The following LRFN5 variants were observed in gnomAD, a reference collection of about 807,000 sequenced individuals.
LRFN5 encodes the protein leucine rich repeat and fibronectin type III domain containing 5.
Under a neutral mutation model 45.6 loss-of-function variants are expected in LRFN5, and 24 were observed. The observed-to-expected ratio is 0.53, with a 90% CI of 0.38 to 0.74. The LOEUF (loss-of-function observed/expected upper bound fraction) is 0.74, where lower values mean the gene tolerates loss of function less well. LRFN5 is among the 30% of genes least tolerant of loss of function. The probability of loss-of-function intolerance (pLI) is 0.00; values close to 1 mark genes in which losing one functional copy is unlikely to be tolerated. For missense variants in LRFN5, 776 were observed against 861.5 expected, an observed-to-expected ratio of 0.90 and a Z score of 1.24; for synonymous variants, 340 against 313.8, an observed-to-expected ratio of 1.08 and a Z score of -0.88.
At position 41,877,831 on chromosome 14, in the gene LRFN5, C is replaced by A. The variant is rs188321745; in HGVS notation, c.-20-8775C>A. ...AAGTTTGGTAGATTCCTGCAATGCA[C>A]TTTGTGTATGTTGCAGTTGCTAAAC... On this transcript the variant is annotated intron_variant, in intron 2 of 5. Coordinates refer to ENST00000298119, the MANE Select transcript of LRFN5 (RefSeq NM_152447.5). Among the ~76,000 whole-genome samples, 265 of 152,196 alleles carry A rather than the reference C, an allele frequency of 1.7e-3. 2 individuals carry two copies. The highest frequency in any genetic ancestry group is 6.8e-3 in the Middle Eastern group (2 of 294).
At chr14:41,682,328 C>T (rs1345178380) in intron 1 of LRFN5, among the ~76,000 whole-genome samples, 1 of 151,738 alleles carries the variant, frequency 6.6e-6, no homozygotes, top group Non-Finnish European at 1.5e-5. Context: ...AAACAAACAA[C>T]AAAACATTAA....
At chr14:41,630,650 T>C (rs1594565192) in intron 1 of LRFN5, among the ~76,000 whole-genome samples, 2 of 152,142 alleles carry the variant, frequency 1.3e-5, no homozygotes, top group Non-Finnish European at 2.9e-5. Context: ...CTATATACTT[T>C]TGAGAGAACA....
At chr14:41,752,051 G>T (rs1885157019) in intron 1 of LRFN5, among the ~76,000 whole-genome samples, 1 of 152,212 alleles carries the variant, frequency 6.6e-6, no homozygotes, top group African/African-American at 2.4e-5. Context: ...TGCTGAAAAT[G>T]ATGGTTTCCA....
chr14:41,851,236 C>T (rs983037256), intron 2 of LRFN5, among the ~76,000 whole-genome samples: 3 of 151,530 alleles, frequency 2.0e-5, no homozygotes. Context: ...ATGTATATTA[C>T]ATAAAACAAT....
chr14:41,822,850 G>GTTTTTTTTTTTTTTTTTTTTTTTTTTT (rs1296770505), intron 2 of LRFN5, among the ~76,000 whole-genome samples: 1 of 70,428 alleles, frequency 1.4e-5, no homozygotes. Flanking sequence ...TATATTTAGG[G>GTTTTTTTTTTTTTTTTTTTTTTTTTTT]TTGTTTTTTT....
intron 2 of LRFN5, among the ~76,000 whole-genome samples, chr14:41,793,550 ACTGCC>A (rs1887010815): frequency 6.6e-5 from 10 of 152,150 alleles, no homozygotes; most frequent in Non-Finnish European, 1.5e-4. Flanking sequence ...CCATAAGACC[ACTGCC>A]TCCTGGTAGG....
intron 1 of LRFN5, among the ~76,000 whole-genome samples, chr14:41,635,292 CT>C: frequency 6.6e-6 from 1 of 152,152 alleles, no homozygotes; most frequent in East Asian, 1.9e-4. Context: ...CTTAAAATGT[CT>C]TAGTTTGAAT....
chr14:41,618,524 A>G (rs980078193), intron 1 of LRFN5, among the ~76,000 whole-genome samples: 49 of 152,228 alleles, frequency 3.2e-4, no homozygotes, highest in Non-Finnish European at 8.8e-5. Flanking sequence ...AGATGAGGCC[A>G]CCTGAGACCA....
intron 1 of LRFN5, among the ~76,000 whole-genome samples, chr14:41,695,683 C>G (rs546859806): frequency 6.6e-6 from 1 of 152,048 alleles, no homozygotes; most frequent in South Asian, 2.1e-4. Context: ...GCATGGTTTA[C>G]TGAATATTTT....
intron 2 of LRFN5, among the ~76,000 whole-genome samples, chr14:41,861,216 C>A (rs1461191217): frequency 1.3e-5 from 2 of 152,208 alleles, no homozygotes; most frequent in African/African-American, 2.4e-5. Flanking sequence ...ATTAGACCCA[C>A]TATTTTAACA....
At chr14:41,681,816 ATTTATTTATTTTTTT>A (rs1477562905) in intron 1 of LRFN5, among the ~76,000 whole-genome samples, 1 of 93,918 alleles carries the variant, frequency 1.1e-5, no homozygotes, top group Non-Finnish European at 1.8e-5. Flanking sequence ...TTATTTATTT[ATTTATTTATTTTTTT>A]TTTTTGTGAT....
intron 1 of LRFN5, among the ~76,000 whole-genome samples, chr14:41,642,461 C>G (rs983124014): frequency 3.3e-5 from 5 of 152,140 alleles, no homozygotes; most frequent in Admixed American, 3.3e-4. Context: ...GTGAATAGTT[C>G]CCAAAGCTTT....
intron 2 of LRFN5, among the ~76,000 whole-genome samples, chr14:41,817,229 A>G (rs545268415): frequency 6.6e-6 from 1 of 152,046 alleles, no homozygotes; most frequent in South Asian, 2.1e-4. Flanking sequence ...TAGTTGTTTT[A>G]ATTTCCCAGC....
chr14:41,655,005 C>T (rs370695886), intron 1 of LRFN5, among the ~76,000 whole-genome samples: 3 of 152,058 alleles, frequency 2.0e-5, no homozygotes, highest in African/African-American at 7.2e-5. Context: ...TATGCCACTG[C>T]CTGTGTCTCT....
chr14:41,647,169 T>C (rs1439360098), intron 1 of LRFN5, among the ~76,000 whole-genome samples: 1 of 152,160 alleles, frequency 6.6e-6, no homozygotes, highest in Non-Finnish European at 1.5e-5. Context: ...TTCATGTGAT[T>C]TTAGTGTATT....
chr14:41,642,255 T>G (rs553581416), intron 1 of LRFN5, among the ~76,000 whole-genome samples: 8 of 152,276 alleles, frequency 5.3e-5, no homozygotes, highest in African/African-American at 1.9e-4. Context: ...GACCACAAAG[T>G]ACAATCTGGC....
chr14:41,870,415 C>T (rs1308132460), intron 2 of LRFN5, among the ~76,000 whole-genome samples: 1 of 152,138 alleles, frequency 6.6e-6, no homozygotes. Context: ...GTTTAATTGA[C>T]TCACAGTTCC....
intron 1 of LRFN5, among the ~76,000 whole-genome samples, chr14:41,737,450 G>A (rs985114113): frequency 1.1e-4 from 16 of 152,146 alleles, no homozygotes; most frequent in Non-Finnish European, 7.3e-5. Flanking sequence ...ACAAGACAAG[G>A]ATGCCGTCTC....
chr14:41,665,154 A>G (rs1054109120), intron 1 of LRFN5, among the ~76,000 whole-genome samples: 1 of 151,924 alleles, frequency 6.6e-6, no homozygotes, highest in African/African-American at 2.4e-5. Flanking sequence ...AGAAAAAAAA[A>G]TGGTCTCAAA....
Sources: gnomAD v4.1 joint callset for allele counts (sites outside exome capture counted in the v4.1 genomes callset) on GRCh38, gnomAD v4.1.1 for gene constraint, MANE v1.5 for transcripts, NCBI Gene and HGNC (gene_info 2026-07-23, HGNC 2026-07-21) for gene names.